Variants in CRYL1 observed in about 807,000 individuals in gnomAD.
The protein encoded by CRYL1 is crystallin lambda 1, also known as lambda-crystallin homolog.
Under a neutral mutation model 36.6 loss-of-function variants are expected in CRYL1, and 29 were observed. That is an observed-to-expected ratio of 0.79 (90% CI 0.59 to 1.08). The LOEUF (loss-of-function observed/expected upper bound fraction) is 1.08, where lower values mean the gene tolerates loss of function less well. CRYL1 is among the 50% of genes least tolerant of loss of function. The pLI, the probability that CRYL1 is intolerant of heterozygous loss-of-function variation, is 0.00. For missense variants in CRYL1, 411 were observed against 407.9 expected (o/e 1.01, Z -0.06); for synonymous variants, 152 against 151.5 (o/e 1.00, Z -0.02).
chr13:20,431,899 G>A (rs2032068965), intron 5 of CRYL1: 1 of 1,515,594 alleles, frequency 6.6e-7, no homozygotes, highest in Non-Finnish European at 8.8e-7. Context: ...CTCTCAGGCA[G>A]ACAGTGAATC....
chr13:20,519,241 G>A (rs999726088), intron 1 of CRYL1, among the ~76,000 whole-genome samples: 2 of 152,180 alleles, frequency 1.3e-5, no homozygotes, highest in African/African-American at 4.8e-5. Flanking sequence ...TGGGAGGGGG[G>A]TGTAGTCAGG....
intron 3 of CRYL1, among the ~76,000 whole-genome samples, chr13:20,454,636 G>T (rs1162418011): frequency 6.6e-6 from 1 of 152,038 alleles, no homozygotes; most frequent in East Asian, 1.9e-4. Context: ...CGCCAGGATG[G>T]CCTCCATCTC....
intron 5 of CRYL1, among the ~76,000 whole-genome samples, chr13:20,417,833 G>A (rs1223718966): frequency 5.9e-5 from 9 of 152,164 alleles, no homozygotes; most frequent in South Asian, 2.1e-4. Flanking sequence ...AGTTAATAAC[G>A]TACCCAACTG....
chr13:20,470,674 C>T (rs1421136251), intron 3 of CRYL1, among the ~76,000 whole-genome samples: 3 of 151,896 alleles, frequency 2.0e-5, no homozygotes, highest in Non-Finnish European at 4.4e-5. Context: ...TTTGGGAGGC[C>T]GAGGCAGGTG....
At chr13:20,478,319 A>G (rs1047695401) in intron 3 of CRYL1, among the ~76,000 whole-genome samples, 3 of 152,184 alleles carry the variant, frequency 2.0e-5, no homozygotes, top group Non-Finnish European at 4.4e-5. Context: ...GACTTTGGGC[A>G]TTAATTTAAC....
At chr13:20,479,326 A>G (rs755671932) in intron 3 of CRYL1, among the ~76,000 whole-genome samples, 46 of 152,170 alleles carry the variant, frequency 3.0e-4, no homozygotes, top group African/African-American at 7.2e-4. Context: ...TGTACTGGCA[A>G]TTTTTACAAT....
intron 3 of CRYL1, chr13:20,472,832 G>A (rs1403412877): frequency 6.6e-6 from 1 of 152,386 alleles, no homozygotes; most frequent in Admixed American, 6.5e-5. Flanking sequence ...GGTATGCTGG[G>A]GAGAAAGGAG....
Position 20,420,702 on chromosome 13 carries a change from TGTG to T in CRYL1, c.634-7318_634-7316del, listed in dbSNP as rs1472857496. Among the ~76,000 whole-genome samples the T allele has an allele frequency of 2.3e-3, 216 of 93,268 alleles. 45 individuals carry two copies. Among genetic ancestry groups the T allele is most frequent in the African/African-American group, 8.3e-3 (196 of 23,642 alleles). The allele number at this position is 93,268 out of a possible 152,430, so 61.2% of individuals were successfully genotyped here. The stretch of plus-strand genomic sequence containing the variant: ...TTTGACTTTTCTTTAAAATAGAGGT[TGTG>T]TGTGTGTGTGTGTGTGTGTGTGTGT... On this transcript the variant is annotated intron_variant, in intron 5 of 7. Coordinates refer to ENST00000298248, the MANE Select transcript of CRYL1 (RefSeq NM_015974.3).
At chr13:20,421,644 T>C (rs1239020310) in intron 5 of CRYL1, among the ~76,000 whole-genome samples, 1 of 152,134 alleles carries the variant, frequency 6.6e-6, no homozygotes. Context: ...CTTACCCCCA[T>C]CCTCTACTTC....
In CRYL1 at chr13:20,463,675, A is replaced by C. The variant is rs757601322; in HGVS notation, c.277-23921T>G. Among the ~76,000 whole-genome samples the C allele has an allele frequency of 1.6e-4, 24 of 152,230 alleles. 1 individual carries two copies. The highest frequency in any genetic ancestry group is 1.0e-4 in the Non-Finnish European group (7 of 68,040). ...ACAGGTAGCTAGCTCGGGGTCCCAC[A>C]CAAATTGAAACCATGACCTATCATT... On this transcript the variant is annotated intron_variant, in intron 3 of 7. Coordinates refer to ENST00000298248, the MANE Select transcript of CRYL1 (RefSeq NM_015974.3).
At chr13:20,519,500 C>T (rs530686101) in intron 1 of CRYL1, among the ~76,000 whole-genome samples, 18 of 151,644 alleles carry the variant, frequency 1.2e-4, no homozygotes, top group Non-Finnish European at 2.4e-4. Context: ...CAGTGGCTCA[C>T]GCCTGTAATC....
chr13:20,495,120 A>G (rs9550656), intron 2 of CRYL1, among the ~76,000 whole-genome samples: 51,408 of 152,070 alleles, frequency 0.34, 8,838 homozygotes, highest in Admixed American at 0.4. Context: ...ATTAATTCCA[A>G]TTTTTTTTAT....
chr13:20,473,239 C>T (rs747713443), intron 3 of CRYL1, among the ~76,000 whole-genome samples: 12 of 152,260 alleles, frequency 7.9e-5, no homozygotes, highest in Non-Finnish European at 4.4e-5. Flanking sequence ...CAGGAGCCGG[C>T]AGGAGTGGCG....
At position 20,512,419 on chromosome 13, in the gene CRYL1, T is replaced by C. The variant is rs7987204; in HGVS notation, c.149+24A>G. The C allele has an allele frequency of 0.099, 151,864 of 1,540,524 alleles. 21,059 individuals are homozygous for C. Among genetic ancestry groups the C allele is most frequent in the African/African-American group, 0.62 (45,590 of 73,408 alleles). ...GAGAAACAGACCCACTTCCATTCCTTCTGGAGAGCGCCGGCTGGCCCACCT... is the reference window on the plus strand; with the variant it reads ...GAGAAACAGACCCACTTCCATTCCTCCTGGAGAGCGCCGGCTGGCCCACCT... On this transcript the variant is annotated intron_variant, in intron 2 of 7. Coordinates refer to ENST00000298248, the MANE Select transcript of CRYL1 (RefSeq NM_015974.3).
At position 20,427,377 on chromosome 13, in the gene CRYL1, C is replaced by T. The variant is rs189947289; in HGVS notation, c.633+4725G>A. ...AGACCTGGCTCCTTCACTCCCTTGG[C>T]TATCCGGGTGTCCATTCTACCCCAC... On this transcript the variant is annotated intron_variant, in intron 5 of 7. Coordinates refer to ENST00000298248, the MANE Select transcript of CRYL1 (RefSeq NM_015974.3). 1.5e-4 allele frequency: 136 copies of T among 922,666 alleles called. No homozygotes were observed. In the African/African-American group the frequency reaches 2.3e-3, roughly 16 times the overall value. 57.2% of individuals were successfully genotyped at this position (922,666 alleles called of 1,614,324 possible). A position where few individuals can be genotyped will look rare whatever the true frequency, so the allele number is the denominator to read the frequency against.
chr13:20,460,630 A>C (rs1324887557), intron 3 of CRYL1, among the ~76,000 whole-genome samples: 2 of 139,068 alleles, frequency 1.4e-5, no homozygotes, highest in African/African-American at 5.4e-5. Flanking sequence ...GGTTCACGCC[A>C]TTCTCCTGCC....
intron 2 of CRYL1, among the ~76,000 whole-genome samples, chr13:20,504,798 T>G (rs2033764172): frequency 6.6e-6 from 1 of 152,226 alleles, no homozygotes; most frequent in Admixed American, 6.5e-5. Context: ...TAGTCTCAGA[T>G]GACAGCTTTT....
intron 5 of CRYL1, among the ~76,000 whole-genome samples, chr13:20,424,338 G>C (rs777333806): frequency 1.4e-4 from 22 of 152,192 alleles, no homozygotes; most frequent in Non-Finnish European, 3.2e-4. Context: ...GACTCTGTTG[G>C]AAAGGAGCTG....
chr13:20,418,052 C>T (rs1244661224), intron 5 of CRYL1, among the ~76,000 whole-genome samples: 1 of 152,194 alleles, frequency 6.6e-6, no homozygotes, highest in Non-Finnish European at 1.5e-5. Context: ...GCAGGAACTA[C>T]CCCACAGTCT....
Sources: gnomAD v4.1 joint callset for allele counts (sites outside exome capture counted in the v4.1 genomes callset) on GRCh38, gnomAD v4.1.1 for gene constraint, MANE v1.5 for transcripts, NCBI Gene and HGNC (gene_info 2026-07-23, HGNC 2026-07-21) for gene names.